HEATR5A: variants seen among roughly 807,000 people sequenced by gnomAD.
HEATR5A encodes HEAT repeat containing 5A.
Under a neutral mutation model 218.8 loss-of-function variants are expected in HEATR5A, and 178 were observed. The ratio of observed to expected loss-of-function variants is 0.81; its 90% CI spans 0.72 to 0.92. HEATR5A has a LOEUF of 0.92. HEATR5A is among the 40% of genes least tolerant of loss of function. The probability of loss-of-function intolerance (pLI) is 0.00; values close to 1 mark genes in which losing one functional copy is unlikely to be tolerated. For missense variants in HEATR5A, 2,420 were observed against 2,418.9 expected (o/e 1.00, Z -0.01); for synonymous variants, 864 against 871.6 (o/e 0.99, Z 0.15).
At position 31,293,580 on chromosome 14, in the gene HEATR5A, G is replaced by A. The variant is rs1209704141; in HGVS notation, c.5866C>T (p.Leu1956Phe). ...TTTTCATCCAAAAGGAAGGAAATGA[G>A]GATGGGCAAAAGACAGGCCACCAGC... ...AQLVACLLPILISFLLDENSL... is the reference protein window; with the variant it reads ...AQLVACLLPIFISFLLDENSL... Residue 1956 changes from leucine (L) to phenylalanine (F), a missense_variant, in exon 36 of 36, where the codon CTC becomes TTC. Leu to Phe is a conservative substitution (Grantham distance 22). Transcript: ENST00000543095. The A allele has an allele frequency of 6.2e-7, 1 of 1,613,158 alleles. No homozygotes were observed. Among genetic ancestry groups the A allele is most frequent in the Non-Finnish European group, 8.5e-7 (1 of 1,179,586 alleles).
At chr14:31,382,076 C>G (rs34737578) in intron 10 of HEATR5A, among the ~76,000 whole-genome samples, 42,154 of 152,012 alleles carry the variant, frequency 0.28, 7,016 homozygotes, top group Non-Finnish European at 0.38. Context: ...CAAAACAAAC[C>G]ATTCTAGTCA....
intron 13 of HEATR5A, among the ~76,000 whole-genome samples, chr14:31,365,839 A>AT (rs894904938): frequency 1.3e-5 from 2 of 150,558 alleles, no homozygotes; most frequent in African/African-American, 4.9e-5. Context: ...TAATTTTTGT[A>AT]TTTTTTGTAG....
At chr14:31,336,791 G>T (rs1471581613) in intron 22 of HEATR5A, among the ~76,000 whole-genome samples, 3 of 152,080 alleles carry the variant, frequency 2.0e-5, no homozygotes, top group Non-Finnish European at 4.4e-5. Flanking sequence ...CTAGATCAGT[G>T]GCTCTCAAAC....
chr14:31,352,963 AAAAAAT>A (rs58756564), intron 16 of HEATR5A, among the ~76,000 whole-genome samples: 268 of 147,642 alleles, frequency 1.8e-3, no homozygotes, highest in South Asian at 9.8e-3. Context: ...CTCCAAAAAT[AAAAAAT>A]AAAAATAAAA....
intron 1 of HEATR5A, among the ~76,000 whole-genome samples, chr14:31,412,116 A>G (rs995563694): frequency 4.6e-5 from 7 of 152,088 alleles, no homozygotes; most frequent in African/African-American, 1.7e-4. Flanking sequence ...TTGGCCTCCC[A>G]AAGTGCTGGG....
Position 31,386,522 on chromosome 14 carries a change from C to G in HEATR5A, c.1243G>C (p.Ala415Pro), listed in dbSNP as rs1768152093. Reference protein sequence around the residue: ...LETRLGSTDVAASQHMLVCAL... With the variant: ...LETRLGSTDVPASQHMLVCAL... ...CAAACCAGCATATGTTGGCTAGCGG[C>G]TACATCTGTGGAACCAAGCCGGGTT... is the stretch of plus-strand genomic sequence containing the variant. The change falls in exon 9 of 36, where the codon GCC (alanine) becomes CCC (proline). Residue 415 changes from alanine (A) to proline (P), a missense_variant. Ala to Pro is a conservative substitution (Grantham distance 27, BLOSUM62 -1). Transcript: ENST00000543095. 6.2e-7 allele frequency: 1 copy of G among 1,606,546 alleles called. No homozygotes were observed. The highest frequency in any genetic ancestry group is 8.5e-7 in the Non-Finnish European group (1 of 1,177,732).
chr14:31,308,962 G>A lies in HEATR5A; in HGVS notation c.4662C>T (p.Val1554=), dbSNP rs1359626369. The A allele has an allele frequency of 6.2e-7, 1 of 1,613,546 alleles. No individual in the cohort carries two copies. The highest frequency in any genetic ancestry group is 1.7e-5 in the Admixed American group (1 of 59,996). ...AAATAAGATGGAATCTATCAGTGTA[G>A]ACATCCTCAGGGGACTTTATGGTAG... The part of the protein sequence containing the change: ...SGATIKSPED[V]YTDRFHLILG... Residue 1554 remains valine (V), a synonymous_variant, in exon 29 of 36, where the codon GTC becomes GTT. Transcript: ENST00000543095.
At chr14:31,297,638 T>C (rs1051348906) in intron 33 of HEATR5A, 1 of 152,122 alleles carries the variant, frequency 6.6e-6, no homozygotes, top group African/African-American at 2.4e-5. Context: ...GAATAGGATT[T>C]ATTTTATAAA....
chr14:31,353,062 A>G (rs1028025397), intron 16 of HEATR5A, among the ~76,000 whole-genome samples: 3 of 152,070 alleles, frequency 2.0e-5, no homozygotes, highest in Non-Finnish European at 2.9e-5. Flanking sequence ...GGTTAATTGT[A>G]TTTATCGTAA....
Position 31,403,052 on chromosome 14 carries a change from G to C in HEATR5A, c.-74-3C>G. 1 of 1,290,934 alleles carries C rather than the reference G, an allele frequency of 7.7e-7. No individual in the cohort carries two copies. The highest frequency in any genetic ancestry group is 2.6e-5 in the East Asian group (1 of 38,506). 80.0% of individuals were successfully genotyped at this position (1,290,934 alleles called of 1,614,324 possible). A position where few individuals can be genotyped will look rare whatever the true frequency, so the allele number is the denominator to read the frequency against. On this transcript the variant is annotated splice_region_variant and splice_polypyrimidine_tract_variant and intron_variant, in intron 1 of 35. Coordinates refer to ENST00000543095, the MANE Select transcript of HEATR5A (RefSeq NM_015473.4). ...TCAATATACCTAACAATAAAAATCT[G>C]CAATACAGGAAAATAATGTATTTTA...
intron 20 of HEATR5A, 80 bp from the exon 21 acceptor site, chr14:31,344,145 T>C (rs886515034): frequency 8.5e-5 from 69 of 807,142 alleles, no homozygotes; most frequent in Non-Finnish European, 1.2e-4. Context: ...GGTTTTAAAA[T>C]TTACTTCCAG....
At chr14:31,391,646 A>T (rs1049373632) in intron 6 of HEATR5A, among the ~76,000 whole-genome samples, 7 of 152,236 alleles carry the variant, frequency 4.6e-5, no homozygotes, top group Non-Finnish European at 1.0e-4. Flanking sequence ...TTCACTCGCC[A>T]CTCGCTGATT....
intron 2 of HEATR5A, among the ~76,000 whole-genome samples, chr14:31,402,012 G>T (rs992629774): frequency 1.3e-5 from 2 of 150,476 alleles, no homozygotes; most frequent in African/African-American, 2.4e-5. Flanking sequence ...TTTGTCTTTT[G>T]TTTTTTTTTC....
At chr14:31,340,348 A>C in intron 21 of HEATR5A, 1 of 534,112 alleles carries the variant, frequency 1.9e-6, no homozygotes, top group Non-Finnish European at 2.9e-6. Flanking sequence ...TCGCTTAAAA[A>C]AAGAGATGCA....
intron 28 of HEATR5A, among the ~76,000 whole-genome samples, chr14:31,309,806 G>A (rs979219382): frequency 5.9e-5 from 9 of 151,630 alleles, no homozygotes; most frequent in African/African-American, 1.9e-4. Flanking sequence ...GGGTTCAAGC[G>A]ATTCTCCCGC....
intron 1 of HEATR5A, among the ~76,000 whole-genome samples, chr14:31,411,554 G>C (rs1415833418): frequency 3.9e-5 from 6 of 152,162 alleles, no homozygotes; most frequent in Non-Finnish European, 7.3e-5. Context: ...GTGGGAAGAG[G>C]GGGAAATCCA....
At chr14:31,307,025 T>C (rs1027704234) in intron 30 of HEATR5A, 146 bp from the exon 31 acceptor site, 3 of 661,320 alleles carry the variant, frequency 4.5e-6, no homozygotes, top group Non-Finnish European at 7.3e-6. Flanking sequence ...TAACGCTCCA[T>C]TTTAAATCAA....
chr14:31,316,434 T>C (rs1595089661), intron 26 of HEATR5A, among the ~76,000 whole-genome samples: 1 of 152,172 alleles, frequency 6.6e-6, no homozygotes, highest in South Asian at 2.1e-4. Flanking sequence ...GGAAGGAGAC[T>C]GATAATGATA....
At chr14:31,312,652 A>T (rs12147258) in intron 28 of HEATR5A, among the ~76,000 whole-genome samples, 49,500 of 152,000 alleles carry the variant, frequency 0.33, 9,337 homozygotes, top group South Asian at 0.42. Flanking sequence ...ACCTCAAGTG[A>T]TCTGCCTGCC....
Sources: gnomAD v4.1 joint callset for allele counts (sites outside exome capture counted in the v4.1 genomes callset) on GRCh38, gnomAD v4.1.1 for gene constraint, MANE v1.5 for transcripts, NCBI Gene and HGNC (gene_info 2026-07-23, HGNC 2026-07-21) for gene names.